The following ACTN4 variants were observed in gnomAD, a reference collection of about 807,000 sequenced individuals.
The protein encoded by ACTN4 is actinin alpha 4.
ACTN4 carries 18 observed loss-of-function variants against 114.2 expected under a neutral mutation model. The ratio of observed to expected loss-of-function variants is 0.16; its 90% CI spans 0.11 to 0.23. The LOEUF is 0.23. ACTN4 is among the 10% of genes least tolerant of loss of function. The pLI, the probability that ACTN4 is intolerant of heterozygous loss-of-function variation, is 1.00. For synonymous variants in ACTN4, 515 were observed against 506.3 expected (o/e 1.02, Z -0.23); for missense variants, 722 against 1,262.9 (o/e 0.57, Z 6.49).
chr19:38,656,431 C>T (rs974584973), intron 1 of ACTN4, among the ~76,000 whole-genome samples: 2 of 152,190 alleles, frequency 1.3e-5, no homozygotes, highest in Admixed American at 6.5e-5. Context: ...GCCCCTCCCA[C>T]GAAGAAAGCA....
intron 1 of ACTN4, among the ~76,000 whole-genome samples, chr19:38,696,354 G>C (rs536050715): frequency 1.5e-3 from 225 of 152,168 alleles, no homozygotes; most frequent in African/African-American, 5.2e-3. Flanking sequence ...GCATCATGAG[G>C]TCGGCTGCCC....
chr19:38,704,909 C>T (rs1273402945), intron 3 of ACTN4, 25 bp from the exon 4 acceptor site: 1 of 1,607,130 alleles, frequency 6.2e-7, no homozygotes. Context: ...GACCTTCTGC[C>T]CTCTGCCCCC....
chr19:38,700,013 G>A (rs1968216834), intron 1 of ACTN4, among the ~76,000 whole-genome samples: 2 of 152,180 alleles, frequency 1.3e-5, no homozygotes, highest in South Asian at 4.2e-4. Context: ...GGTTGTATCT[G>A]TGCACGTGAT....
chr19:38,700,491 G>A (rs778798115), intron 1 of ACTN4, 109 bp from the exon 2 acceptor site: 59 of 874,294 alleles, frequency 6.7e-5, no homozygotes, highest in African/African-American at 9.9e-5. Flanking sequence ...CGAGTGCTCC[G>A]TGGCAGCTGC....
At chr19:38,712,991 C>T (rs1421425008) in intron 8 of ACTN4, among the ~76,000 whole-genome samples, 2 of 152,076 alleles carry the variant, frequency 1.3e-5, no homozygotes, top group East Asian at 1.9e-4. Context: ...GGCTGCAGGG[C>T]GCTGGCTGGT....
At chr19:38,657,775 G>A (rs1488577081) in intron 1 of ACTN4, among the ~76,000 whole-genome samples, 2 of 152,156 alleles carry the variant, frequency 1.3e-5, no homozygotes, top group East Asian at 1.9e-4. Flanking sequence ...TGAGGGGGAC[G>A]TCACAATAAG....
In ACTN4 at chr19:38,720,912, T is replaced by C. The variant is rs150521290; in HGVS notation, c.1292-626T>C. Reference sequence around the variant, plus strand: ...CGGTTCCCTAAAGACCTTCACTTGCTTGCAGGGCTTCCTTGAGCTTTGGTT... The same window carrying C: ...CGGTTCCCTAAAGACCTTCACTTGCCTGCAGGGCTTCCTTGAGCTTTGGTT... On this transcript the variant is annotated intron_variant, in intron 11 of 20. Transcript: ENST00000252699. Among the ~76,000 whole-genome samples the C allele has an allele frequency of 1.3e-3, 194 of 152,364 alleles. 1 individual carries two copies. Among genetic ancestry groups the C allele is most frequent in the East Asian group, 6.6e-3 (34 of 5,186 alleles).
At chr19:38,682,674 C>T (rs1226099924) in intron 1 of ACTN4, among the ~76,000 whole-genome samples, 2 of 152,196 alleles carry the variant, frequency 1.3e-5, no homozygotes, top group African/African-American at 2.4e-5. Context: ...TGCTCCTCCC[C>T]CATGAGGCCC....
Position 38,689,056 on chromosome 19 carries a change from A to G in ACTN4, c.163-11544A>G, listed in dbSNP as rs77732428. 7.1e-4 allele frequency among the ~76,000 whole-genome samples: 108 copies of G among 152,352 alleles called. 1 individual carries two copies. The highest frequency in any genetic ancestry group is 2.5e-3 in the African/African-American group (103 of 41,588). On this transcript the variant is annotated intron_variant, in intron 1 of 20. Coordinates refer to ENST00000252699, the MANE Select transcript of ACTN4 (RefSeq NM_004924.6). ...CAAATTTTTAAATATAAGAGGTATC[A>G]TATGACTCAGCAATTTTACTCCTAG...
At chr19:38,728,861 G>A (rs926593567) in intron 19 of ACTN4, 135 bp from the exon 20 acceptor site, 123 of 1,131,866 alleles carry the variant, frequency 1.1e-4, no homozygotes, top group Non-Finnish European at 1.5e-4. Context: ...TGGAGCAGGC[G>A]GGGAACAGGG....
intron 20 of ACTN4, 38 bp downstream of exon 20, chr19:38,729,192 A>G (rs779838377): frequency 6.2e-7 from 1 of 1,612,520 alleles, no homozygotes; most frequent in South Asian, 1.1e-5. Flanking sequence ...GGGGCTGGCG[A>G]GAGGGGTCCC....
intron 9 of ACTN4, 123 bp downstream of exon 9, chr19:38,714,684 A>G: frequency 9.9e-7 from 1 of 1,011,132 alleles, no homozygotes; most frequent in South Asian, 1.4e-5. Flanking sequence ...GCGTGGTCAC[A>G]GACCATGGCA....
At chr19:38,699,886 T>C (rs377423105) in intron 1 of ACTN4, among the ~76,000 whole-genome samples, 1 of 152,200 alleles carries the variant, frequency 6.6e-6, no homozygotes, top group African/African-American at 2.4e-5. Flanking sequence ...TCAGAGGGTC[T>C]GTGTTCCTGG....
At chr19:38,675,853 G>A (rs1040256201) in intron 1 of ACTN4, among the ~76,000 whole-genome samples, 3 of 152,212 alleles carry the variant, frequency 2.0e-5, no homozygotes, top group African/African-American at 7.2e-5. Context: ...GAGGGCCCCA[G>A]TGTGTTGTTG....
chr19:38,662,225 T>A (rs1032136223), intron 1 of ACTN4, among the ~76,000 whole-genome samples: 13 of 152,218 alleles, frequency 8.5e-5, no homozygotes, highest in African/African-American at 2.9e-4. Flanking sequence ...AAACGAGTTA[T>A]GTGGCTTTTA....
rs1246623920 is a variant in ACTN4, at chr19:38,730,943, C to A, written c.*1511C>A. The A allele has an allele frequency of 3.2e-6, 5 of 1,550,560 alleles. No individual in the cohort carries two copies. The highest frequency in any genetic ancestry group is 2.0e-5 in the Admixed American group (1 of 51,014). ...CTCGCAGGACAGAGCCTGAGCCACC[C>A]TGTCCCTCCCACCTGGCTCACCTGT... On this transcript the variant is annotated 3_prime_UTR_variant, in exon 21 of 21. Coordinates refer to ENST00000252699, the MANE Select transcript of ACTN4 (RefSeq NM_004924.6).
chr19:38,695,812 T>C (rs951505914), intron 1 of ACTN4, among the ~76,000 whole-genome samples: 1 of 152,096 alleles, frequency 6.6e-6, no homozygotes, highest in Non-Finnish European at 1.5e-5. Flanking sequence ...CACCTTTCTG[T>C]GTCTGCCTCA....
Position 38,731,480 on chromosome 19 carries a change from A to G in ACTN4, c.*2048A>G. The G allele has an allele frequency of 1.9e-6, 1 of 538,948 alleles. No individual in the cohort carries two copies. The highest frequency in any genetic ancestry group is 3.1e-5 in the Admixed American group (1 of 32,192). The allele number at this position is 538,948 out of a possible 1,614,324, so 33.4% of individuals were successfully genotyped here. A position where few individuals can be genotyped will look rare whatever the true frequency, so the allele number is the denominator to read the frequency against. On this transcript the variant is annotated 3_prime_UTR_variant, in exon 21 of 21. Transcript: ENST00000252699. Reference sequence around the variant, plus strand: ...CGCTCAGGACAGCGTCTGACACGTGACTCGATGTGTGGGTACTGTTACTCC... The same window carrying G: ...CGCTCAGGACAGCGTCTGACACGTGGCTCGATGTGTGGGTACTGTTACTCC...
At chr19:38,713,701 C>G (rs1419228045) in intron 8 of ACTN4, among the ~76,000 whole-genome samples, 1 of 152,222 alleles carries the variant, frequency 6.6e-6, no homozygotes, top group Non-Finnish European at 1.5e-5. Flanking sequence ...TTCCCCATCA[C>G]TCTGTAGACC....
Sources: gnomAD v4.1 joint callset for allele counts (sites outside exome capture counted in the v4.1 genomes callset) on GRCh38, gnomAD v4.1.1 for gene constraint, MANE v1.5 for transcripts, NCBI Gene and HGNC (gene_info 2026-07-23, HGNC 2026-07-21) for gene names.